The following FOXP2 variants were observed in gnomAD, a reference collection of about 807,000 sequenced individuals.
FOXP2 encodes forkhead box P2.
A neutral mutation model predicts 115.8 loss-of-function variants in FOXP2; 12 were observed. The observed-to-expected ratio is 0.10, with a 90% CI of 0.07 to 0.17. The LOEUF is 0.17. Ranked by LOEUF, FOXP2 falls within the 10% of genes least tolerant of loss-of-function variation. FOXP2 has a pLI of 1.00. For missense variants in FOXP2, 629 were observed against 843.5 expected, an observed-to-expected ratio of 0.75 and a Z score of 3.15; for synonymous variants, 328 against 297.7, an observed-to-expected ratio of 1.10 and a Z score of -1.05.
At chr7:114,248,357 A>G (rs917238605) in intron 1 of FOXP2, among the ~76,000 whole-genome samples, 47 of 152,210 alleles carry the variant, frequency 3.1e-4, no homozygotes, top group Admixed American at 2.7e-3. Flanking sequence ...GAAACCCCTC[A>G]GAGACACACC....
intron 3 of FOXP2, among the ~76,000 whole-genome samples, chr7:114,536,267 A>G (rs922885740): frequency 2.0e-5 from 3 of 151,562 alleles, no homozygotes; most frequent in Non-Finnish European, 4.4e-5. Context: ...CTATTTTATC[A>G]TATTTCTTGA....
chr7:114,407,660 G>A (rs1793066727), intron 2 of FOXP2, among the ~76,000 whole-genome samples: 2 of 152,084 alleles, frequency 1.3e-5, no homozygotes, highest in Non-Finnish European at 2.9e-5. Context: ...ACATTTATGA[G>A]CAAACAGTGC....
Position 114,513,196 on chromosome 7 carries a change from G to C in FOXP2, c.169-21421G>C, listed in dbSNP as rs148829127. ...GAGATTTAATGAAATATTCTCCAGA[G>C]TGCTTTTTTAGCTGTAAAATGTTAT... On this transcript the variant is annotated intron_variant, in intron 2 of 16. Coordinates refer to ENST00000350908, the MANE Select transcript of FOXP2 (RefSeq NM_014491.4). Among the ~76,000 whole-genome samples the C allele has an allele frequency of 4.0e-3, 606 of 152,250 alleles. 7 individuals are homozygous for C. Among genetic ancestry groups the C allele is most frequent in the African/African-American group, 0.014 (573 of 41,548 alleles).
chr7:114,162,131 T>A (rs1181723105), upstream of FOXP2, among the ~76,000 whole-genome samples: 1 of 152,166 alleles, frequency 6.6e-6, no homozygotes, highest in Non-Finnish European at 1.5e-5. Context: ...AAAATACCCA[T>A]TATTGGAAAC....
At chr7:114,480,757 A>G (rs1018133840) in intron 2 of FOXP2, among the ~76,000 whole-genome samples, 1 of 150,462 alleles carries the variant, frequency 6.6e-6, no homozygotes, top group Non-Finnish European at 1.5e-5. Context: ...ATGTATACGT[A>G]TATATATACG....
At chr7:114,205,463 A>G (rs951502748) in intron 1 of FOXP2, among the ~76,000 whole-genome samples, 3 of 152,184 alleles carry the variant, frequency 2.0e-5, no homozygotes, top group Non-Finnish European at 4.4e-5. Flanking sequence ...GTATCACTAC[A>G]TTGGTAAGGA....
At chr7:114,513,657 G>C (rs145284377) in intron 2 of FOXP2, among the ~76,000 whole-genome samples, 2 of 152,174 alleles carry the variant, frequency 1.3e-5, no homozygotes, top group African/African-American at 4.8e-5. Context: ...ATGTAGAAGA[G>C]CCCTAGCAAT....
chr7:114,679,165 A>G (rs765286748), intron 16 of FOXP2, among the ~76,000 whole-genome samples: 5 of 151,734 alleles, frequency 3.3e-5, no homozygotes, highest in Admixed American at 2.6e-4. Context: ...GGGTTTCACC[A>G]TGTTAGCCAG....
intron 1 of FOXP2, among the ~76,000 whole-genome samples, chr7:114,142,121 C>T (rs1792231228): frequency 6.6e-6 from 1 of 152,094 alleles, no homozygotes; most frequent in Non-Finnish European, 1.5e-5. Context: ...CTTCAGGTTT[C>T]AAGCGATTCT....
chr7:114,627,782 GTAAT>G (rs1231293806), intron 3 of FOXP2, among the ~76,000 whole-genome samples: 1 of 152,086 alleles, frequency 6.6e-6, no homozygotes, highest in African/African-American at 2.4e-5. Context: ...TAACCTTTGA[GTAAT>G]TGCTAAATTT....
intron 1 of FOXP2, among the ~76,000 whole-genome samples, chr7:114,253,931 C>A (rs1209115677): frequency 2.0e-5 from 3 of 152,216 alleles, no homozygotes; most frequent in East Asian, 3.9e-4. Flanking sequence ...TGGCTGGTAC[C>A]AGTTTTTCTT....
intron 16 of FOXP2, among the ~76,000 whole-genome samples, chr7:114,674,825 C>T (rs1444754267): frequency 1.3e-5 from 2 of 151,840 alleles, no homozygotes; most frequent in African/African-American, 2.4e-5. Flanking sequence ...TTTATTCTTT[C>T]CAAAGAAGAA....
chr7:114,552,370 C>T (rs184237308), intron 3 of FOXP2, among the ~76,000 whole-genome samples: 1 of 152,226 alleles, frequency 6.6e-6, no homozygotes, highest in Non-Finnish European at 1.5e-5. Flanking sequence ...TCGGTTCTAT[C>T]GCCTCATTGC....
chr7:114,576,914 T>G (rs1801603781), intron 3 of FOXP2, among the ~76,000 whole-genome samples: 1 of 151,988 alleles, frequency 6.6e-6, no homozygotes, highest in Admixed American at 6.6e-5. Flanking sequence ...GTCATTTTAG[T>G]GTATAAATTT....
intron 2 of FOXP2, among the ~76,000 whole-genome samples, chr7:114,502,382 T>C (rs1797603543): frequency 6.6e-6 from 1 of 152,114 alleles, no homozygotes; most frequent in Non-Finnish European, 1.5e-5. Flanking sequence ...TTCTTATCTA[T>C]CCCAAATTAC....
intron 2 of FOXP2, among the ~76,000 whole-genome samples, chr7:114,437,380 A>C (rs1794403245): frequency 6.6e-6 from 1 of 152,210 alleles, no homozygotes; most frequent in Non-Finnish European, 1.5e-5. Context: ...TACATGGAGC[A>C]GCGCCTTAGA....
intron 2 of FOXP2, among the ~76,000 whole-genome samples, chr7:114,406,513 C>T (rs1434156458): frequency 2.6e-5 from 4 of 151,762 alleles, no homozygotes; most frequent in African/African-American, 9.7e-5. Context: ...TTCAGATATC[C>T]ATTATACATG....
chr7:114,234,661 C>A (rs1794964438), intron 1 of FOXP2, among the ~76,000 whole-genome samples: 1 of 152,192 alleles, frequency 6.6e-6, no homozygotes, highest in Non-Finnish European at 1.5e-5. Flanking sequence ...TGTTAATGAG[C>A]TTTCTACAGT....
At chr7:114,539,884 T>G (rs1799572075) in intron 3 of FOXP2, among the ~76,000 whole-genome samples, 1 of 152,042 alleles carries the variant, frequency 6.6e-6, no homozygotes, top group African/African-American at 2.4e-5. Flanking sequence ...AGCCTGCCCT[T>G]GCCATTAATA....
Sources: allele counts gnomAD v4.1 joint callset (sites outside exome capture counted in the v4.1 genomes callset), GRCh38; gene constraint gnomAD v4.1.1; transcripts MANE v1.5; gene names NCBI Gene and HGNC (gene_info 2026-07-23, HGNC 2026-07-21).